Variants in GPR35 observed in about 807,000 individuals in gnomAD.
GPR35 encodes the protein KYNA receptor.
For synonymous variants in GPR35, 207 were observed against 198.4 expected, an observed-to-expected ratio of 1.04 and a Z score of -0.36; for missense variants, 372 against 422.5, an observed-to-expected ratio of 0.88 and a Z score of 1.05.
chr2:240,627,146 A>C (rs958271755), intron 1 of GPR35, among the ~76,000 whole-genome samples: 5 of 152,214 alleles, frequency 3.3e-5, no homozygotes, highest in African/African-American at 1.2e-4. Context: ...CGAGGAAGAC[A>C]GGCCTGAGGA....
At chr2:240,622,148 G>T (rs1373699056), upstream of GPR35, among the ~76,000 whole-genome samples, 2 of 152,160 alleles carry the variant, frequency 1.3e-5, no homozygotes, top group African/African-American at 4.8e-5. Flanking sequence ...CCAAAGTGCT[G>T]GGATTAGAGG....
In GPR35 at chr2:240,632,145, T is replaced by C. The variant is rs2043455406; in HGVS notation, c.*1263T>C. On this transcript the variant is annotated 3_prime_UTR_variant, in exon 2 of 2. Transcript: ENST00000407714. ...CAGGAGGGCTCTATGCCCAAAAGGG[T>C]CCCATGTCCGGGAGGGTCCATACGC... Among the ~76,000 whole-genome samples, 1 of 136,476 alleles carries C rather than the reference T, an allele frequency of 7.3e-6. No homozygotes were observed. The highest frequency in any genetic ancestry group is 2.7e-4 in the South Asian group (1 of 3,766). The allele number at this position is 136,476 out of a possible 152,430, so 89.5% of individuals were successfully genotyped here.
chr2:240,625,376 T>G (rs1365178612), upstream of GPR35: 1 of 985,308 alleles, frequency 1.0e-6, no homozygotes, highest in African/African-American at 1.7e-5. Context: ...AGTGGGGAAC[T>G]CCTGTTACCC....
chr2:240,622,518 A>G (rs2043307164), upstream of GPR35, among the ~76,000 whole-genome samples: 1 of 152,212 alleles, frequency 6.6e-6, no homozygotes, highest in East Asian at 1.9e-4. Flanking sequence ...AACACTCACG[A>G]TAGCTGATGA....
chr2:240,621,594 T>C (rs1434608127), upstream of GPR35, among the ~76,000 whole-genome samples: 1 of 152,224 alleles, frequency 6.6e-6, no homozygotes, highest in Non-Finnish European at 1.5e-5. Context: ...AAAGGACGCA[T>C]GAGGATCCAA....
At chr2:240,622,735 G>A (rs545744705), upstream of GPR35, among the ~76,000 whole-genome samples, 48 of 152,280 alleles carry the variant, frequency 3.2e-4, no homozygotes, top group African/African-American at 1.1e-3. Flanking sequence ...AGCTCCTCGC[G>A]TCACACATAC....
upstream of GPR35, among the ~76,000 whole-genome samples, chr2:240,621,402 G>A (rs575204324): frequency 4.6e-5 from 7 of 152,016 alleles, no homozygotes; most frequent in Admixed American, 2.0e-4. Context: ...CTACAGGCAC[G>A]CGCCACCACG....
At chr2:240,623,046 C>T (rs140037101), upstream of GPR35, among the ~76,000 whole-genome samples, 3,781 of 120,592 alleles carry the variant, frequency 0.031, 96 homozygotes, top group South Asian at 0.15. Context: ...CAGCAGAGGA[C>T]CCCAGGCGAC....
At chr2:240,609,903 A>G (rs1026632753) in intron 2 of GPR35, among the ~76,000 whole-genome samples, 1 of 151,582 alleles carries the variant, frequency 6.6e-6, no homozygotes, top group Admixed American at 6.6e-5. Flanking sequence ...AATTAGGTAC[A>G]TACACATTTA....
Position 240,625,500 on chromosome 2 carries a change from G to A in GPR35, c.-73G>A, listed in dbSNP as rs920995174. On this transcript the variant is annotated 5_prime_UTR_variant, in exon 1 of 2. Transcript: ENST00000407714. ...GCTTCACTTCCCCCAGCCCTTCTCA[G>A]ACAGCCACTGTGCAGGCTTTGGCAG... The A allele has an allele frequency of 4.1e-6, 4 of 985,970 alleles. No homozygotes were observed. The highest frequency in any genetic ancestry group is 4.8e-6 in the Non-Finnish European group (4 of 830,344). The allele number at this position is 985,970 out of a possible 1,614,324, so 61.1% of individuals were successfully genotyped here. A position where few individuals can be genotyped will look rare whatever the true frequency, so the allele number is the denominator to read the frequency against.
chr2:240,625,944 A>ACG (rs1244378294), intron 1 of GPR35, among the ~76,000 whole-genome samples: 4 of 91,518 alleles, frequency 4.4e-5, no homozygotes, highest in East Asian at 4.5e-4. Context: ...TGAGGCTGTG[A>ACG]TGGGTTCTCA....
upstream of GPR35, among the ~76,000 whole-genome samples, chr2:240,624,015 G>C (rs73999961): frequency 4.6e-5 from 7 of 151,874 alleles, no homozygotes; most frequent in Non-Finnish European, 7.4e-5. Flanking sequence ...GTGGTGGGGG[G>C]GGTGGGGGAG....
chr2:240,627,757 G>A (rs2043395330), intron 1 of GPR35: 1 of 149,148 alleles, frequency 6.7e-6, no homozygotes, highest in Non-Finnish European at 1.5e-5. Flanking sequence ...TTACAGGCAT[G>A]AGCCACCGTG....
At chr2:240,621,020 T>G (rs2043287389), upstream of GPR35, among the ~76,000 whole-genome samples, 2 of 152,260 alleles carry the variant, frequency 1.3e-5, no homozygotes, top group Admixed American at 1.3e-4. Flanking sequence ...GACCTGGTTC[T>G]GTGAAGAGGG....
Position 240,631,022 on chromosome 2 carries a change from A to G in GPR35, c.*140A>G. On this transcript the variant is annotated 3_prime_UTR_variant, in exon 2 of 2. Transcript: ENST00000407714. ...TATTCTCTTGGAGCCTTGGGTGGGCAGGGACGGCCCAGGTACCTGCTCTCT... is the reference window on the plus strand; with the variant it reads ...TATTCTCTTGGAGCCTTGGGTGGGCGGGGACGGCCCAGGTACCTGCTCTCT... 1.4e-6 allele frequency: 1 copy of G among 710,418 alleles called. No individual in the cohort carries two copies. 44.0% of individuals were successfully genotyped at this position (710,418 alleles called of 1,614,324 possible).
chr2:240,613,585 C>G lies in GPR35; in HGVS notation c.-576-2803C>G, dbSNP rs561576409. On this transcript the variant is annotated intron_variant, in intron 2 of 5. Transcript: ENST00000319838. ...TCCAACCCTAATGCTAACCATAACC[C>G]TAAAATTCAGGCAGAACCGAACCTA... Among the ~76,000 whole-genome samples, 4 of 152,154 alleles carry G rather than the reference C, an allele frequency of 2.6e-5. No individual in the cohort carries two copies. The South Asian group carries it at 8.3e-4, about 32-fold the overall frequency.
At position 240,630,327 on chromosome 2, in the gene GPR35, C is replaced by G. The variant is rs950855051; in HGVS notation, c.375C>G (p.Arg125=). Residue 125 remains arginine (R), a synonymous_variant, in exon 2 of 2, where the codon CGC becomes CGG. Transcript: ENST00000407714. ...YVAVRHPLRA[R]GLRSPRQAAA... ...CCGTGCGGCACCCGCTGCGTGCCCG[C>G]GGGCTGCGGTCCCCCAGGCAGGCTG... is the stretch of plus-strand genomic sequence containing the variant. 1 of 1,593,780 alleles carries G rather than the reference C, an allele frequency of 6.3e-7. No individual in the cohort carries two copies. The highest frequency in any genetic ancestry group is 8.5e-7 in the Non-Finnish European group (1 of 1,173,848).
intron 5 of GPR35, among the ~76,000 whole-genome samples, chr2:240,620,009 C>T (rs1225071053): frequency 6.6e-6 from 1 of 152,158 alleles, no homozygotes; most frequent in African/African-American, 2.4e-5. Context: ...CAGGCAGCTT[C>T]CCAGTCACAG....
upstream of GPR35, among the ~76,000 whole-genome samples, chr2:240,623,798 G>A (rs1363228769): frequency 1.3e-5 from 2 of 152,182 alleles, no homozygotes; most frequent in South Asian, 2.1e-4. Flanking sequence ...TAAATGTCCA[G>A]TTTCTTCCCC....
Sources: gnomAD v4.1 joint callset for allele counts (sites outside exome capture counted in the v4.1 genomes callset) on GRCh38, gnomAD v4.1.1 for gene constraint, MANE v1.5 for transcripts, NCBI Gene and HGNC (gene_info 2026-07-23, HGNC 2026-07-21) for gene names.